LINGO2: variants seen among roughly 807,000 people sequenced by gnomAD.
LINGO2 encodes the protein leucine rich repeat and Ig domain containing 2, also known as leucine-rich repeat and immunoglobulin-like domain-containing nogo receptor-interacting protein 2.
LINGO2 carries 14 observed loss-of-function variants against 30.6 expected under a neutral mutation model. The ratio of observed to expected loss-of-function variants is 0.46; its 90% CI spans 0.30 to 0.72. The LOEUF (loss-of-function observed/expected upper bound fraction) is 0.72, where lower values mean the gene tolerates loss of function less well. Among genes scored for constraint, LINGO2 ranks in the 30% least tolerant of loss-of-function variants. The pLI, the probability that LINGO2 is intolerant of heterozygous loss-of-function variation, is 0.07. For missense variants in LINGO2, 729 were observed against 751.7 expected (o/e 0.97, Z 0.35); for synonymous variants, 317 against 288.5 (o/e 1.10, Z -1.00).
At chr9:28,447,263 A>G (rs1342904714) in intron 2 of LINGO2, among the ~76,000 whole-genome samples, 1 of 152,174 alleles carries the variant, frequency 6.6e-6, no homozygotes, top group African/African-American at 2.4e-5. Flanking sequence ...CAGTATTAAG[A>G]GGTGGAGGCT....
At chr9:28,172,036 A>ACAC (rs1554682060) in intron 4 of LINGO2, among the ~76,000 whole-genome samples, 1 of 113,298 alleles carries the variant, frequency 8.8e-6, no homozygotes, top group Non-Finnish European at 1.9e-5. Context: ...AAAAAAAACA[A>ACAC]AAAAAAAAAC....
intron 2 of LINGO2, among the ~76,000 whole-genome samples, chr9:28,378,783 T>G (rs927922747): frequency 6.6e-6 from 1 of 152,158 alleles, no homozygotes; most frequent in African/African-American, 2.4e-5. Context: ...ATGACCTACT[T>G]GCAAGCAAGC....
intron 1 of LINGO2, among the ~76,000 whole-genome samples, chr9:28,605,936 C>T (rs1468000641): frequency 6.6e-6 from 1 of 152,024 alleles, no homozygotes; most frequent in Admixed American, 6.6e-5. Context: ...TTTGCCATTT[C>T]TCAGGTAGCT....
the LINGO2 span, among the ~76,000 whole-genome samples, chr9:28,677,946 A>G: frequency 6.6e-6 from 1 of 151,570 alleles, no homozygotes; most frequent in Non-Finnish European, 1.5e-5. Flanking sequence ...GAATCCATCT[A>G]CATGTTATCA....
At chr9:28,490,016 T>C (rs1055168361) in intron 1 of LINGO2, among the ~76,000 whole-genome samples, 3 of 150,726 alleles carry the variant, frequency 2.0e-5, no homozygotes, top group South Asian at 2.1e-4. Flanking sequence ...TTTTATAAGA[T>C]AATGAATGAA....
At chr9:27,949,528 A>G (rs1399082831) in exon 6 of LINGO2, 2 of 1,613,830 alleles carry the variant, frequency 1.2e-6, no homozygotes, top group Non-Finnish European at 1.7e-6. Flanking sequence ...GGGCCAGCAC[A>G]CATAGGTTGC....
chr9:28,353,552 G>C (rs906865618), intron 3 of LINGO2, among the ~76,000 whole-genome samples: 2 of 151,020 alleles, frequency 1.3e-5, no homozygotes, highest in South Asian at 2.1e-4. Context: ...TACACTGTTG[G>C]TGGGACTGTA....
chr9:28,770,328 T>A, the LINGO2 span, among the ~76,000 whole-genome samples: 1 of 152,182 alleles, frequency 6.6e-6, no homozygotes, highest in African/African-American at 2.4e-5. Flanking sequence ...TTTGACTCTA[T>A]GGGGATTCTC....
At chr9:28,394,027 A>G (rs1564172066) in intron 2 of LINGO2, among the ~76,000 whole-genome samples, 1 of 151,662 alleles carries the variant, frequency 6.6e-6, no homozygotes. Context: ...TCATTCCCCT[A>G]TCAGTGTTTT....
chr9:28,019,017 C>G (rs1218953168), intron 4 of LINGO2, among the ~76,000 whole-genome samples: 1 of 152,046 alleles, frequency 6.6e-6, no homozygotes, highest in African/African-American at 2.4e-5. Flanking sequence ...CCTAAATGAA[C>G]ACAGGAACAG....
chr9:28,451,415 G>C (rs1234205007), intron 2 of LINGO2, among the ~76,000 whole-genome samples: 1 of 151,728 alleles, frequency 6.6e-6, no homozygotes, highest in Non-Finnish European at 1.5e-5. Flanking sequence ...ATGCAAACAG[G>C]TTCGATAAAG....
At chr9:28,547,629 A>G (rs1822019264) in intron 1 of LINGO2, among the ~76,000 whole-genome samples, 1 of 152,200 alleles carries the variant, frequency 6.6e-6, no homozygotes, top group African/African-American at 2.4e-5. Context: ...CTACCATTAA[A>G]TAGGCAAACG....
At chr9:29,004,323 C>T in the LINGO2 span, among the ~76,000 whole-genome samples, 20 of 151,642 alleles carry the variant, frequency 1.3e-4, no homozygotes, top group South Asian at 2.1e-4. Context: ...TATTTGTATA[C>T]GTATCAAAAT....
At chr9:28,442,531 T>C (rs1179755442) in intron 2 of LINGO2, among the ~76,000 whole-genome samples, 1 of 152,228 alleles carries the variant, frequency 6.6e-6, no homozygotes, top group Non-Finnish European at 1.5e-5. Flanking sequence ...AAACTTTTTT[T>C]GTTTCCTTCT....
intron 4 of LINGO2, among the ~76,000 whole-genome samples, chr9:28,219,454 T>C (rs1236361549): frequency 6.6e-6 from 1 of 152,184 alleles, no homozygotes; most frequent in Admixed American, 6.5e-5. Flanking sequence ...TAATGCCAAG[T>C]AAAATTTCAT....
chr9:28,646,203 G>A (rs941056565), intron 1 of LINGO2, among the ~76,000 whole-genome samples: 4 of 152,006 alleles, frequency 2.6e-5, no homozygotes, highest in Admixed American at 6.6e-5. Flanking sequence ...TATTTTCCAT[G>A]TAAGAAAATA....
intron 4 of LINGO2, among the ~76,000 whole-genome samples, chr9:28,170,819 C>T (rs1828560309): frequency 6.6e-6 from 1 of 152,184 alleles, no homozygotes; most frequent in Non-Finnish European, 1.5e-5. Context: ...CCTCTCTCTT[C>T]CCTTTACTAA....
chr9:28,287,124 A>G (rs1587392814), intron 4 of LINGO2, among the ~76,000 whole-genome samples: 1 of 152,210 alleles, frequency 6.6e-6, no homozygotes. Context: ...AAAATATCAC[A>G]CTTCCCCAAG....
chr9:29,169,783 C>T, the LINGO2 span, among the ~76,000 whole-genome samples: 5 of 152,002 alleles, frequency 3.3e-5, no homozygotes, highest in East Asian at 5.8e-4. Context: ...CAGCAGATCA[C>T]GAGGTCAGGG....
Sources: allele counts gnomAD v4.1 joint callset (sites outside exome capture counted in the v4.1 genomes callset), GRCh38; gene constraint gnomAD v4.1.1; transcripts MANE v1.5; gene names NCBI Gene and HGNC (gene_info 2026-07-23, HGNC 2026-07-21).